Variants in NRXN3 observed in about 807,000 individuals in gnomAD.
NRXN3 encodes neurexin 3.
NRXN3 carries 32 observed loss-of-function variants against 137.6 expected under a neutral mutation model. That is an observed-to-expected ratio of 0.23 (90% CI 0.18 to 0.31). The LOEUF (loss-of-function observed/expected upper bound fraction) is 0.31, where lower values mean the gene tolerates loss of function less well. Ranked by LOEUF, NRXN3 falls within the 10% of genes least tolerant of loss-of-function variation. The pLI is 1.00. For missense variants in NRXN3, 1,574 were observed against 2,062.5 expected, an observed-to-expected ratio of 0.76 and a Z score of 4.59; for synonymous variants, 798 against 784.5, an observed-to-expected ratio of 1.02 and a Z score of -0.29.
chr14:79,568,741 T>C (rs570925551), intron 16 of NRXN3, among the ~76,000 whole-genome samples: 1 of 152,320 alleles, frequency 6.6e-6, no homozygotes, highest in African/African-American at 2.4e-5. Context: ...ATTTTATCAG[T>C]TGTGCTGTCT....
chr14:79,827,391 G>A (rs1268192413), intron 20 of NRXN3, among the ~76,000 whole-genome samples: 1 of 152,160 alleles, frequency 6.6e-6, no homozygotes, highest in East Asian at 1.9e-4. Flanking sequence ...ATTAGAAAAA[G>A]TCAGCCATTT....
intron 19 of NRXN3, among the ~76,000 whole-genome samples, chr14:79,774,871 C>T (rs1046203001): frequency 1.3e-5 from 2 of 151,832 alleles, no homozygotes; most frequent in Admixed American, 1.3e-4. Flanking sequence ...TAGTGAAATT[C>T]TGGAAGGGAC....
At chr14:78,282,886 C>T (rs1417466171) in intron 3 of NRXN3, among the ~76,000 whole-genome samples, 2 of 152,212 alleles carry the variant, frequency 1.3e-5, no homozygotes, top group African/African-American at 4.8e-5. Context: ...AAGCTTGTTG[C>T]TCACAGGGCG....
intron 1 of NRXN3, among the ~76,000 whole-genome samples, chr14:78,171,161 T>C (rs1468290624): frequency 1.3e-5 from 2 of 151,982 alleles, no homozygotes; most frequent in East Asian, 1.9e-4. Context: ...CAAAATTGAA[T>C]TGAGACAGGG....
chr14:78,819,637 T>C (rs2098944878), intron 10 of NRXN3, among the ~76,000 whole-genome samples: 1 of 152,118 alleles, frequency 6.6e-6, no homozygotes. Context: ...TTAGGAGGTA[T>C]TATGGTAAAT....
intron 15 of NRXN3, among the ~76,000 whole-genome samples, chr14:78,998,872 G>A (rs1202658419): frequency 6.6e-6 from 1 of 150,968 alleles, no homozygotes. Flanking sequence ...CCAAAGTGCT[G>A]GGATTACAGG....
chr14:78,817,748 T>C (rs1407383866), intron 10 of NRXN3, among the ~76,000 whole-genome samples: 1 of 152,104 alleles, frequency 6.6e-6, no homozygotes, highest in Non-Finnish European at 1.5e-5. Flanking sequence ...TCTATTCCCA[T>C]GTACAAAGAG....
At chr14:78,379,303 A>G (rs901853287) in intron 4 of NRXN3, among the ~76,000 whole-genome samples, 6 of 152,190 alleles carry the variant, frequency 3.9e-5, no homozygotes, top group African/African-American at 1.4e-4. Flanking sequence ...CCAGACAAAG[A>G]TAGTACAAAA....
At chr14:78,436,396 A>T (rs2094067322) in intron 4 of NRXN3, among the ~76,000 whole-genome samples, 1 of 152,238 alleles carries the variant, frequency 6.6e-6, no homozygotes, top group Non-Finnish European at 1.5e-5. Flanking sequence ...GTGCAACCAC[A>T]CAAGGTGAAT....
At chr14:78,542,522 G>T (rs997747989) in intron 4 of NRXN3, among the ~76,000 whole-genome samples, 4 of 152,220 alleles carry the variant, frequency 2.6e-5, no homozygotes, top group Non-Finnish European at 4.4e-5. Context: ...CTCCTTGTCT[G>T]CCAGTTGCTA....
rs534251846 is a variant in NRXN3, at chr14:78,903,890, G to C, written c.2276-53352G>C. Among the ~76,000 whole-genome samples, 21 of 152,166 alleles carry C rather than the reference G, an allele frequency of 1.4e-4. No homozygotes were observed. In the South Asian group the frequency reaches 3.9e-3, roughly 29 times the overall value. ...TAGTAGTCATTGAGCCTCTGCACACGTAAATGTGTAGGGAATGACCATTGA... is the reference window on the plus strand; with the variant it reads ...TAGTAGTCATTGAGCCTCTGCACACCTAAATGTGTAGGGAATGACCATTGA... On this transcript the variant is annotated intron_variant, in intron 10 of 20. Coordinates refer to ENST00000335750, the MANE Select transcript of NRXN3 (RefSeq NM_001330195.2).
At chr14:79,174,979 C>CTT (rs5809926) in intron 15 of NRXN3, among the ~76,000 whole-genome samples, 1,662 of 124,910 alleles carry the variant, frequency 0.013, 42 homozygotes, top group African/African-American at 0.046. Flanking sequence ...TTCAGATTTC[C>CTT]TTTTTTTTTT....
At chr14:79,095,964 T>C (rs2050240058) in intron 15 of NRXN3, among the ~76,000 whole-genome samples, 1 of 152,132 alleles carries the variant, frequency 6.6e-6, no homozygotes, top group Non-Finnish European at 1.5e-5. Context: ...TGCTAGATTC[T>C]AGAAAATTTT....
At chr14:78,230,341 TC>T (rs2065229898) in intron 1 of NRXN3, among the ~76,000 whole-genome samples, 2 of 151,466 alleles carry the variant, frequency 1.3e-5, no homozygotes, top group Non-Finnish European at 3.0e-5. Context: ...TCTCTCTCTC[TC>T]TCTCTCTCTG....
At chr14:78,915,366 A>C (rs1195931177) in intron 10 of NRXN3, among the ~76,000 whole-genome samples, 1 of 148,366 alleles carries the variant, frequency 6.7e-6, no homozygotes, top group Non-Finnish European at 1.5e-5. Context: ...AAAAAAAAAA[A>C]AAAAAACCAC....
At chr14:78,834,408 A>G (rs995054470) in intron 10 of NRXN3, among the ~76,000 whole-genome samples, 1 of 152,080 alleles carries the variant, frequency 6.6e-6, no homozygotes, top group African/African-American at 2.4e-5. Context: ...CTTGACTACT[A>G]GTATTAAGAG....
intron 4 of NRXN3, among the ~76,000 whole-genome samples, chr14:78,616,079 A>G (rs942802302): frequency 9.9e-5 from 15 of 152,180 alleles, no homozygotes; most frequent in African/African-American, 1.4e-4. Context: ...AAGCCTACCA[A>G]TAGTCTCCCT....
rs913101452 is a variant in NRXN3 at position 79,863,469 on chromosome 14, GAA to G, written c.*1507_*1508del. 6 of 152,188 alleles carry G rather than the reference GAA, an allele frequency of 3.9e-5. No individual in the cohort carries two copies. Among genetic ancestry groups the G allele is most frequent in the Non-Finnish European group, 7.4e-5 (5 of 67,942 alleles). The allele number at this position is 152,188 out of a possible 1,614,324, so 9.4% of individuals were successfully genotyped here. A position where few individuals can be genotyped will look rare whatever the true frequency, so the allele number is the denominator to read the frequency against. On this transcript the variant is annotated 3_prime_UTR_variant, in exon 21 of 21. Transcript: ENST00000335750. Reference sequence around the variant, plus strand: ...AAAAAAGCAAACCTTAAAATGTGAAGAAAGTGTGAATTTTAGTTTTGTCACAG... The same window carrying G: ...AAAAAAGCAAACCTTAAAATGTGAAGAGTGTGAATTTTAGTTTTGTCACAG...
At chr14:79,452,860 A>C (rs1353190204) in intron 15 of NRXN3, among the ~76,000 whole-genome samples, 1 of 152,244 alleles carries the variant, frequency 6.6e-6, no homozygotes, top group Non-Finnish European at 1.5e-5. Flanking sequence ...TAAAATATTA[A>C]GAAATTTTGC....
Sources: gnomAD v4.1 joint callset for allele counts (sites outside exome capture counted in the v4.1 genomes callset) on GRCh38, gnomAD v4.1.1 for gene constraint, MANE v1.5 for transcripts, NCBI Gene and HGNC (gene_info 2026-07-23, HGNC 2026-07-21) for gene names.